ARHGAP10: variants seen among roughly 807,000 people sequenced by gnomAD.
ARHGAP10 encodes the protein Rho GTPase activating protein 10.
ARHGAP10 carries 87 observed loss-of-function variants against 108.6 expected under a neutral mutation model. The ratio of observed to expected loss-of-function variants is 0.80; its 90% confidence interval spans 0.67 to 0.96. The LOEUF is 0.96. Among genes scored for constraint, ARHGAP10 ranks in the 40% least tolerant of loss-of-function variants. ARHGAP10 has a pLI of 0.00. For synonymous variants in ARHGAP10, 347 were observed against 341.1 expected (o/e 1.02, Z -0.19); for missense variants, 939 against 954.5 (o/e 0.98, Z 0.21).
chr4:147,884,638 A>G (rs1735466434), intron 10 of ARHGAP10, among the ~76,000 whole-genome samples: 1 of 151,770 alleles, frequency 6.6e-6, no homozygotes, highest in South Asian at 2.1e-4. Flanking sequence ...AGGCACACAG[A>G]GGATCTGACA....
chr4:147,758,509 T>C (rs1157852324), intron 1 of ARHGAP10, among the ~76,000 whole-genome samples: 1 of 152,124 alleles, frequency 6.6e-6, no homozygotes, highest in Admixed American at 6.6e-5. Flanking sequence ...TTTTGGCTAA[T>C]ACTTTTTGAT....
Position 147,899,521 on chromosome 4 carries a change from T to C in ARHGAP10, c.1035-7117T>C, listed in dbSNP as rs755008865. ...GTAGAGTGGGAATGATGTTCTCTGA[T>C]AATTTTTTACATTCCAGGTGGAAGC... On this transcript the variant is annotated intron_variant, in intron 10 of 22. Coordinates refer to ENST00000336498, the MANE Select transcript of ARHGAP10 (RefSeq NM_024605.4). 7.2e-5 allele frequency among the ~76,000 whole-genome samples: 11 copies of C among 152,370 alleles called. 1 individual carries two copies. The South Asian group carries it at 1.0e-3, about 14-fold the overall frequency.
At chr4:147,850,077 C>A (rs985487589) in intron 4 of ARHGAP10, among the ~76,000 whole-genome samples, 8 of 152,184 alleles carry the variant, frequency 5.3e-5, no homozygotes, top group Non-Finnish European at 8.8e-5. Flanking sequence ...TAAAAACACA[C>A]CAACCAGCAC....
intron 22 of ARHGAP10, chr4:148,065,507 T>C (rs1446065476): frequency 6.6e-6 from 1 of 152,210 alleles, no homozygotes; most frequent in Non-Finnish European, 1.5e-5. Context: ...AATTAGACTT[T>C]GTGGAGAAAT....
Position 147,879,349 on chromosome 4 carries a change from G to T in ARHGAP10, c.939+11G>T. On this transcript the variant is annotated intron_variant, in intron 9 of 22. Transcript: ENST00000336498. ...TCTGGAGGGAAACTTGTAAGTATTT[G>T]ATTCAACATAGAATAGATTATAATC... is the stretch of plus-strand genomic sequence containing the variant. 6.2e-7 allele frequency: 1 copy of T among 1,606,774 alleles called. No individual in the cohort carries two copies. Among genetic ancestry groups the T allele is most frequent in the South Asian group, 1.1e-5 (1 of 90,766 alleles).
intron 13 of ARHGAP10, among the ~76,000 whole-genome samples, chr4:147,936,484 G>A (rs1470811676): frequency 3.3e-5 from 5 of 151,260 alleles, no homozygotes; most frequent in South Asian, 2.1e-4. Context: ...GCCCGCCACC[G>A]TGCCCGGCTA....
At chr4:147,914,847 T>C (rs1219256327) in intron 13 of ARHGAP10, among the ~76,000 whole-genome samples, 4 of 151,454 alleles carry the variant, frequency 2.6e-5, no homozygotes, top group Non-Finnish European at 5.9e-5. Context: ...ACCCAAAACA[T>C]TTTTTTTTAA....
At position 148,072,227 on chromosome 4, in the gene ARHGAP10, T is replaced by TGGGGGG; in HGVS notation, c.*147_*152dup. The TGGGGGG allele has an allele frequency of 1.2e-5, 4 of 339,640 alleles. No homozygotes were observed. Among genetic ancestry groups the TGGGGGG allele is most frequent in the East Asian group, 7.5e-5 (1 of 13,330 alleles). The allele number at this position is 339,640 out of a possible 1,614,324, so 21.0% of individuals were successfully genotyped here. On this transcript the variant is annotated 3_prime_UTR_variant, in exon 23 of 23. Coordinates refer to ENST00000336498, the MANE Select transcript of ARHGAP10 (RefSeq NM_024605.4). ...CCATCATCACAGTCAGCCCTGGGGG[T>TGGGGGG]GGGGGGTGGTGGGCAGGGATGGGAC... is the stretch of plus-strand genomic sequence containing the variant.
At chr4:148,013,232 A>G (rs1741230998) in intron 18 of ARHGAP10, among the ~76,000 whole-genome samples, 1 of 152,220 alleles carries the variant, frequency 6.6e-6, no homozygotes, top group Admixed American at 6.5e-5. Flanking sequence ...AATGGAAAAA[A>G]GAAAGTATTG....
Position 147,817,124 on chromosome 4 carries a change from CAA to C in ARHGAP10, c.155-5602_155-5601del, listed in dbSNP as rs765411266. Among the ~76,000 whole-genome samples the C allele has an allele frequency of 1.8e-4, 28 of 152,140 alleles. 1 individual carries two copies. The highest frequency in any genetic ancestry group is 1.2e-3 in the Admixed American group (18 of 15,276). ...TCTTGTATTCAGATTTAATGAGTGA[CAA>C]GAGTATATTTATTAACCATACCCTT... is the stretch of plus-strand genomic sequence containing the variant. On this transcript the variant is annotated intron_variant, in intron 1 of 22. Transcript: ENST00000336498.
chr4:148,061,088 G>A lies in ARHGAP10; in HGVS notation c.2028-2060G>A, dbSNP rs552450781. 4.7e-5 allele frequency among the ~76,000 whole-genome samples: 7 copies of A among 149,472 alleles called. No individual in the cohort carries two copies. In the South Asian group the frequency reaches 1.5e-3, roughly 31 times the overall value. The stretch of plus-strand genomic sequence containing the variant: ...CCACCCACCCGCGGGTGTTTTCATG[G>A]AGGTTTCCTTTTTTTTTTTTAAAGA... On this transcript the variant is annotated intron_variant, in intron 20 of 22. Coordinates refer to ENST00000336498, the MANE Select transcript of ARHGAP10 (RefSeq NM_024605.4).
intron 13 of ARHGAP10, among the ~76,000 whole-genome samples, chr4:147,915,574 A>G (rs1002395867): frequency 6.6e-6 from 1 of 152,230 alleles, no homozygotes; most frequent in Non-Finnish European, 1.5e-5. Flanking sequence ...TGAATGGCAT[A>G]AATATATATT....
chr4:147,925,108 T>C (rs182280050), intron 13 of ARHGAP10, among the ~76,000 whole-genome samples: 2 of 152,294 alleles, frequency 1.3e-5, no homozygotes, highest in Admixed American at 1.3e-4. Flanking sequence ...TCTTCAGTGA[T>C]TTGTGGACAT....
intron 16 of ARHGAP10, among the ~76,000 whole-genome samples, chr4:147,964,572 G>A (rs539676380): frequency 6.6e-6 from 1 of 152,274 alleles, no homozygotes; most frequent in East Asian, 1.9e-4. Flanking sequence ...AGTTCTAAGG[G>A]CTAGAACTTC....
intron 8 of ARHGAP10, among the ~76,000 whole-genome samples, chr4:147,877,566 T>A (rs1398952864): frequency 1.3e-5 from 2 of 152,252 alleles, no homozygotes; most frequent in Non-Finnish European, 1.5e-5. Context: ...ATTGCTTTTT[T>A]AAAAGTGTCT....
At chr4:147,764,035 A>G (rs1371010895) in intron 1 of ARHGAP10, among the ~76,000 whole-genome samples, 2 of 152,120 alleles carry the variant, frequency 1.3e-5, no homozygotes, top group African/African-American at 4.8e-5. Flanking sequence ...GATTGGGATT[A>G]CATGGTGAAC....
chr4:147,783,519 A>G (rs2654956), intron 1 of ARHGAP10, among the ~76,000 whole-genome samples: 10 of 148,024 alleles, frequency 6.8e-5, no homozygotes, highest in African/African-American at 2.4e-4. Flanking sequence ...AATTTATAGA[A>G]CACACATTAA....
In ARHGAP10 at chr4:148,045,850, G is replaced by A. The variant is rs376990540; in HGVS notation, c.1868-1042G>A. ...TGCTTTGTTTCTAGGACCTGGGAGT[G>A]AGGAAACGTGAAGCTTTAATCAGCT... On this transcript the variant is annotated intron_variant, in intron 19 of 22. Transcript: ENST00000336498. Among the ~76,000 whole-genome samples the A allele has an allele frequency of 3.3e-5, 5 of 151,954 alleles. No individual in the cohort carries two copies. The East Asian group carries it at 9.7e-4, about 29-fold the overall frequency.
At chr4:147,930,070 G>A (rs1025518347) in intron 13 of ARHGAP10, among the ~76,000 whole-genome samples, 2 of 152,146 alleles carry the variant, frequency 1.3e-5, no homozygotes, top group African/African-American at 4.8e-5. Context: ...ACACGTGAGT[G>A]CAAATAAATG....
Sources: gnomAD v4.1 joint callset for allele counts (sites outside exome capture counted in the v4.1 genomes callset) on GRCh38, gnomAD v4.1.1 for gene constraint, MANE v1.5 for transcripts, NCBI Gene and HGNC (gene_info 2026-07-23, HGNC 2026-07-21) for gene names.